The following PBX1 variants were observed in gnomAD, a reference collection of about 807,000 sequenced individuals.
The protein encoded by PBX1 is pre-B-cell leukemia transcription factor 1.
Under a neutral mutation model 53.4 loss-of-function variants are expected in PBX1, and 6 were observed. The ratio of observed to expected loss-of-function variants is 0.11; its 90% CI spans 0.06 to 0.22. PBX1 has a LOEUF of 0.22. Among genes scored for constraint, PBX1 ranks in the 10% least tolerant of loss-of-function variants. The pLI, the probability that PBX1 is intolerant of heterozygous loss-of-function variation, is 1.00. For missense variants in PBX1, 251 were observed against 551.4 expected (o/e 0.46, Z 5.46); for synonymous variants, 204 against 212.3 (o/e 0.96, Z 0.34).
chr1:164,870,320 T>C (rs1279364293), intron 2 of PBX1, among the ~76,000 whole-genome samples: 6 of 105,794 alleles, frequency 5.7e-5, no homozygotes, highest in Admixed American at 1.0e-4. Flanking sequence ...TTTCTTTCTT[T>C]CTTTCTTTCT....
chr1:164,659,635 A>G (rs1040934507), intron 2 of PBX1, among the ~76,000 whole-genome samples: 2 of 152,212 alleles, frequency 1.3e-5, no homozygotes, highest in South Asian at 2.1e-4. Flanking sequence ...GGGTGGCTGC[A>G]GAACCTGCCT....
At chr1:164,626,457 C>T (rs1263760249) in intron 2 of PBX1, among the ~76,000 whole-genome samples, 4 of 152,070 alleles carry the variant, frequency 2.6e-5, no homozygotes, top group East Asian at 1.9e-4. Flanking sequence ...AAGAAGGAAT[C>T]GGTGTATGGA....
chr1:164,833,359 G>A (rs950325878), intron 8 of PBX1, among the ~76,000 whole-genome samples: 13 of 152,122 alleles, frequency 8.5e-5, no homozygotes, highest in Non-Finnish European at 1.5e-4. Context: ...AGTGGCTAGC[G>A]TTATAAAATG....
intron 8 of PBX1, among the ~76,000 whole-genome samples, chr1:164,836,491 A>G (rs920630299): frequency 1.8e-4 from 28 of 152,200 alleles, no homozygotes; most frequent in African/African-American, 6.5e-4. Flanking sequence ...TGTCAAGTGA[A>G]TTCAAAATTC....
intron 2 of PBX1, among the ~76,000 whole-genome samples, chr1:164,619,388 T>C (rs1390309473): frequency 6.6e-6 from 1 of 152,072 alleles, no homozygotes; most frequent in Non-Finnish European, 1.5e-5. Flanking sequence ...CTGCACTTTG[T>C]TGGAGCTATT....
At chr1:164,784,250 G>C (rs1307043682) in intron 2 of PBX1, among the ~76,000 whole-genome samples, 2 of 152,180 alleles carry the variant, frequency 1.3e-5, no homozygotes, top group African/African-American at 4.8e-5. Context: ...TGTAGCTCCT[G>C]TTTAGGCAAA....
In PBX1 at chr1:164,846,807, C is replaced by A; in HGVS notation, c.*131C>A. The stretch of plus-strand genomic sequence containing the variant: ...AATCAGCAAACACAATAAGAGTCTC[C>A]TTCTCTTCTCTTCTTTGGGATGCTA... On this transcript the variant is annotated 3_prime_UTR_variant, in exon 9 of 9. Transcript: ENST00000420696. The A allele has an allele frequency of 6.6e-7, 1 of 1,515,660 alleles. No individual in the cohort carries two copies. The highest frequency in any genetic ancestry group is 1.4e-5 in the African/African-American group (1 of 72,706). 93.9% of individuals were successfully genotyped at this position (1,515,660 alleles called of 1,614,324 possible).
intron 2 of PBX1, among the ~76,000 whole-genome samples, chr1:164,669,282 C>A (rs1465547424): frequency 6.6e-6 from 1 of 152,116 alleles, no homozygotes; most frequent in East Asian, 1.9e-4. Context: ...GAGAATGATA[C>A]AACAGACGTC....
intron 2 of PBX1, among the ~76,000 whole-genome samples, chr1:164,757,730 A>G (rs1319448712): frequency 6.6e-6 from 1 of 152,094 alleles, no homozygotes; most frequent in Non-Finnish European, 1.5e-5. Flanking sequence ...TAATCTCTAA[A>G]TCATGCTGTT....
At chr1:164,831,439 A>T (rs1670749640) in intron 8 of PBX1, 3 of 151,864 alleles carry the variant, frequency 2.0e-5, no homozygotes, top group Admixed American at 2.0e-4. Context: ...CCCAGGTTGG[A>T]GTGCAGTGGC....
At chr1:164,609,439 C>T (rs1656766319) in intron 2 of PBX1, among the ~76,000 whole-genome samples, 1 of 152,156 alleles carries the variant, frequency 6.6e-6, no homozygotes, top group South Asian at 2.1e-4. Context: ...ACACGTATAA[C>T]AGTCTGAAAA....
chr1:164,828,563 G>T (rs10918075), intron 8 of PBX1: 6 of 151,966 alleles, frequency 3.9e-5, no homozygotes, highest in Admixed American at 3.9e-4. Flanking sequence ...AGCCTGGCCC[G>T]CATTTGGCCC....
chr1:164,821,526 C>A lies in PBX1; in HGVS notation c.1111-11C>A. 6.2e-7 allele frequency: 1 copy of A among 1,606,870 alleles called. No individual in the cohort carries two copies. The highest frequency in any genetic ancestry group is 8.5e-7 in the Non-Finnish European group (1 of 1,173,416). On this transcript the variant is annotated splice_polypyrimidine_tract_variant and intron_variant, in intron 7 of 8. Transcript: ENST00000420696. ...GACTAATTTTCTCTCTGTTATTGTTCATCTGTTTAGGTGGATACCCTTCGC... is the reference window on the plus strand; with the variant it reads ...GACTAATTTTCTCTCTGTTATTGTTAATCTGTTTAGGTGGATACCCTTCGC...
intron 2 of PBX1, among the ~76,000 whole-genome samples, chr1:164,785,177 T>G (rs1668115321): frequency 6.6e-6 from 1 of 152,156 alleles, no homozygotes; most frequent in Admixed American, 6.5e-5. Context: ...CCCTGTATAA[T>G]CAGAAGCGCT....
At chr1:164,869,150 A>G (rs1169358850) in intron 2 of PBX1, among the ~76,000 whole-genome samples, 2 of 152,232 alleles carry the variant, frequency 1.3e-5, no homozygotes, top group Admixed American at 1.3e-4. Context: ...GTTTATTTAG[A>G]ACATTGTGCA....
At chr1:164,882,116 C>CT (rs879926385) in intron 2 of PBX1, among the ~76,000 whole-genome samples, 2,589 of 145,276 alleles carry the variant, frequency 0.018, 77 homozygotes, top group African/African-American at 0.058. Flanking sequence ...TAGTCCAACC[C>CT]TTTTTTTTTT....
chr1:164,729,440 CTT>C (rs1664869482), intron 2 of PBX1, among the ~76,000 whole-genome samples: 1 of 151,976 alleles, frequency 6.6e-6, no homozygotes, highest in Non-Finnish European at 1.5e-5. Context: ...TTAACACAAA[CTT>C]TTAATATGGA....
At chr1:164,799,447 T>C (rs1668955555) in intron 3 of PBX1, among the ~76,000 whole-genome samples, 1 of 152,232 alleles carries the variant, frequency 6.6e-6, no homozygotes, top group Admixed American at 6.5e-5. Flanking sequence ...GCCGATATCG[T>C]GCCACTGCAC....
intron 8 of PBX1, among the ~76,000 whole-genome samples, chr1:164,841,645 G>A (rs995127707): frequency 3.3e-5 from 5 of 152,028 alleles, no homozygotes; most frequent in African/African-American, 1.2e-4. Context: ...TGTAATCTTG[G>A]GAAAGTGTTA....
Sources: allele counts gnomAD v4.1 joint callset (sites outside exome capture counted in the v4.1 genomes callset), GRCh38; gene constraint gnomAD v4.1.1; transcripts MANE v1.5; gene names NCBI Gene and HGNC (gene_info 2026-07-23, HGNC 2026-07-21).